The following LIM2 variants were observed in gnomAD, a reference collection of about 807,000 sequenced individuals.
The protein encoded by LIM2 is lens fiber membrane intrinsic protein.
LIM2 carries 14 observed loss-of-function variants against 19.0 expected under a neutral mutation model. That is an observed-to-expected ratio of 0.74 (90% confidence interval 0.49 to 1.15). The LOEUF is 1.15. LIM2 is among the 50% of genes most tolerant of loss of function. The probability of loss-of-function intolerance (pLI) is 0.00; values close to 1 mark genes in which losing one functional copy is unlikely to be tolerated. For missense variants in LIM2, 230 were observed against 243.5 expected (o/e 0.94, Z 0.37); for synonymous variants, 78 against 89.6 (o/e 0.87, Z 0.73).
intron 2 of LIM2, among the ~76,000 whole-genome samples, chr19:51,386,286 G>A (rs1010172289): frequency 1.3e-5 from 2 of 150,880 alleles, no homozygotes; most frequent in African/African-American, 2.4e-5. Context: ...ACCATGCCTG[G>A]CTAATTTTTG....
rs753461219 is a variant in LIM2 at position 51,380,172 on chromosome 19, C to T, written c.*29G>A. The stretch of plus-strand genomic sequence containing the variant: ...CTCTTCAGTGGCCTCACTTTAACTT[C>T]CAGATGAAGTTGGGGGACACATTTG... On this transcript the variant is annotated 3_prime_UTR_variant, in exon 5 of 5. Coordinates refer to ENST00000596399, the MANE Select transcript of LIM2 (RefSeq NM_001161748.2). 1.2e-6 allele frequency: 2 copies of T among 1,610,718 alleles called. No homozygotes were observed. The highest frequency in any genetic ancestry group is 8.5e-7 in the Non-Finnish European group (1 of 1,177,566).
intron 2 of LIM2, among the ~76,000 whole-genome samples, chr19:51,384,338 G>C (rs934308124): frequency 3.3e-5 from 5 of 152,188 alleles, no homozygotes; most frequent in African/African-American, 9.7e-5. Flanking sequence ...GGCTGAGGCA[G>C]GAGAATCACT....
rs142517355 is a variant in LIM2, at chr19:51,387,387, C to T, written c.57G>A (p.Leu19=). ...LFCAWVGTIL[L]VVAMATDHWM... is the part of the protein sequence containing the mutation. ...AGTGGTCTGTTGCCATGGCCACCAC[C>T]AGGAGGATGGTCCCCACCCAGGCAC... is the stretch of plus-strand genomic sequence containing the variant. Residue 19 remains leucine (L), a synonymous_variant, in exon 2 of 5, where the codon CTG becomes CTA. Transcript: ENST00000596399. 1.1e-3 allele frequency: 1,714 copies of T among 1,614,188 alleles called. 5 individuals carry two copies. The East Asian group carries it at 0.014, about 13-fold the overall frequency.
chr19:51,382,315 T>G (rs1986915298), intron 3 of LIM2, 103 bp downstream of exon 3: 2 of 1,328,464 alleles, frequency 1.5e-6, no homozygotes, highest in Middle Eastern at 1.9e-4. Context: ...TGGGGTTGAG[T>G]GTGAGGAGGA....
intron 2 of LIM2, among the ~76,000 whole-genome samples, chr19:51,383,262 T>C (rs1268708398): frequency 6.6e-6 from 1 of 152,156 alleles, no homozygotes; most frequent in African/African-American, 2.4e-5. Flanking sequence ...CTCAAACTCC[T>C]GGCCCCAAGT....
In LIM2 at chr19:51,380,193, A is replaced by T. The variant is rs2123661989; in HGVS notation, c.*8T>A. On this transcript the variant is annotated 3_prime_UTR_variant, in exon 5 of 5. Coordinates refer to ENST00000596399, the MANE Select transcript of LIM2 (RefSeq NM_001161748.2). ...ACTTCCAGATGAAGTTGGGGGACAC[A>T]TTTGGGCTCAGCGGGGTGTAGACAG... 6 of 1,613,634 alleles carry T rather than the reference A, an allele frequency of 3.7e-6. No individual in the cohort carries two copies. Among genetic ancestry groups the T allele is most frequent in the Non-Finnish European group, 5.1e-6 (6 of 1,179,780 alleles).
Position 51,385,004 on chromosome 19 carries a change from G to A in LIM2, c.175+2265C>T, listed in dbSNP as rs151156103. 1.2e-3 allele frequency among the ~76,000 whole-genome samples: 177 copies of A among 152,026 alleles called. 8 individuals carry two copies. The East Asian group carries it at 0.015, about 13-fold the overall frequency. On this transcript the variant is annotated intron_variant, in intron 2 of 4. Coordinates refer to ENST00000596399, the MANE Select transcript of LIM2 (RefSeq NM_001161748.2). ...CAGCCTTCTGAGCAGCTGGGGCCAC[G>A]GGAGCACACCACCACGCCCAGCTAA...
chr19:51,386,484 A>C (rs1158065492), intron 2 of LIM2, among the ~76,000 whole-genome samples: 5 of 148,400 alleles, frequency 3.4e-5, no homozygotes, highest in African/African-American at 1.2e-4. Flanking sequence ...TTATTAATTT[A>C]TTATATAATA....
chr19:51,387,287 G>T lies in LIM2; in HGVS notation c.157C>A (p.Leu53Met). ...GGCTCACCGATGCTGTCTGTCTGCA[G>T]GTAGCACTTGTTGCCCAGGCAGTAC... ...WRYCLGNKCY[L>M]QTDSIAYWNA... Residue 53 changes from leucine to methionine, a missense_variant, in exon 2 of 5, where the codon CTG (leucine) becomes ATG (methionine). Physicochemically the swap from Leu to Met is conservative, Grantham distance 15. Coordinates refer to ENST00000596399, the MANE Select transcript of LIM2 (RefSeq NM_001161748.2). 1.9e-6 allele frequency: 3 copies of T among 1,614,202 alleles called. No individual in the cohort carries two copies. The highest frequency in any genetic ancestry group is 2.5e-6 in the Non-Finnish European group (3 of 1,180,046).
At chr19:51,386,971 C>T (rs574619927) in intron 2 of LIM2, among the ~76,000 whole-genome samples, 1 of 152,298 alleles carries the variant, frequency 6.6e-6, no homozygotes, top group African/African-American at 2.4e-5. Flanking sequence ...GTCCATAGTA[C>T]ATATTTAGAA....
intron 3 of LIM2, among the ~76,000 whole-genome samples, chr19:51,380,934 C>T (rs1050012679): frequency 1.3e-5 from 2 of 151,954 alleles, no homozygotes; most frequent in Admixed American, 1.3e-4. Context: ...ATAGGAGGGT[C>T]TTTGTTATTC....
At chr19:51,384,809 C>T (rs1392729753) in intron 2 of LIM2, among the ~76,000 whole-genome samples, 2 of 151,862 alleles carry the variant, frequency 1.3e-5, no homozygotes, top group Admixed American at 6.6e-5. Context: ...TTTGGGAGGC[C>T]GAGGCAGGAG....
intron 1 of LIM2, among the ~76,000 whole-genome samples, chr19:51,387,664 G>T (rs113342801): frequency 7.2e-5 from 11 of 152,180 alleles, no homozygotes; most frequent in African/African-American, 2.6e-4. Flanking sequence ...ACAACAGGGA[G>T]AGCGGGGCTG....
chr19:51,387,203 C>T, intron 2 of LIM2, 66 bp downstream of exon 2: 16 of 1,614,232 alleles, frequency 9.9e-6, no homozygotes, highest in Non-Finnish European at 1.4e-5. Context: ...TACAGGTGTC[C>T]TTGGGCCCCG....
intron 1 of LIM2, 69 bp from the exon 2 acceptor site, chr19:51,387,518 G>A: frequency 1.9e-6 from 3 of 1,602,840 alleles, no homozygotes; most frequent in Non-Finnish European, 2.5e-6. Flanking sequence ...ACTGGGGGGA[G>A]AGAGGGCTCA....
chr19:51,383,498 G>A lies in LIM2; in HGVS notation c.176-931C>T, dbSNP rs76612143. On this transcript the variant is annotated intron_variant, in intron 2 of 4. Transcript: ENST00000596399. ...ACTGTGTCCCCAGCACCTACACCTG[G>A]TGCATAATAGGTGCCCAATAAATGC... is the stretch of plus-strand genomic sequence containing the variant. 5.1e-3 allele frequency among the ~76,000 whole-genome samples: 780 copies of A among 152,248 alleles called. 11 individuals carry two copies. The highest frequency in any genetic ancestry group is 0.017 in the African/African-American group (714 of 41,522).
At chr19:51,383,052 TGAGA>T (rs1986944643) in intron 2 of LIM2, among the ~76,000 whole-genome samples, 1 of 111,250 alleles carries the variant, frequency 9.0e-6, no homozygotes, top group African/African-American at 5.0e-5. Flanking sequence ...TTTTTTTTTT[TGAGA>T]CCGAGTCTTC....
chr19:51,381,600 C>T (rs1341376290), intron 3 of LIM2, among the ~76,000 whole-genome samples: 1 of 152,186 alleles, frequency 6.6e-6, no homozygotes, highest in Non-Finnish European at 1.5e-5. Context: ...CTCTCCTAGA[C>T]TCTGCCCTCT....
At position 51,379,984 on chromosome 19, in the gene LIM2, C is replaced by A; in HGVS notation, c.*217G>T. 1.7e-6 allele frequency: 1 copy of A among 603,328 alleles called. No homozygotes were observed. The highest frequency in any genetic ancestry group is 3.0e-6 in the Non-Finnish European group (1 of 338,904). 37.4% of individuals were successfully genotyped at this position (603,328 alleles called of 1,614,324 possible). A position where few individuals can be genotyped will look rare whatever the true frequency, so the allele number is the denominator to read the frequency against. ...TCCATTTTTCTAACAACCTGCCAGG[C>A]AGACGGGGACTTGAGTCTTCTCAGC... On this transcript the variant is annotated 3_prime_UTR_variant, in exon 5 of 5. Coordinates refer to ENST00000596399, the MANE Select transcript of LIM2 (RefSeq NM_001161748.2).
Sources: allele counts gnomAD v4.1 joint callset (sites outside exome capture counted in the v4.1 genomes callset), GRCh38; gene constraint gnomAD v4.1.1; transcripts MANE v1.5; gene names NCBI Gene and HGNC (gene_info 2026-07-23, HGNC 2026-07-21).